The following LRP12 variants were observed in gnomAD, a reference collection of about 807,000 sequenced individuals.
The protein encoded by LRP12 is LDL receptor related protein 12.
Under a neutral mutation model 66.0 loss-of-function variants are expected in LRP12, and 14 were observed. That is an observed-to-expected ratio of 0.21 (90% CI 0.14 to 0.33). The LOEUF is 0.33. Among genes scored for constraint, LRP12 ranks in the 10% least tolerant of loss-of-function variants. The pLI is 1.00. For synonymous variants in LRP12, 357 were observed against 359.1 expected (o/e 0.99, Z 0.07); for missense variants, 889 against 1,053.4 (o/e 0.84, Z 2.16).
intron 1 of LRP12, among the ~76,000 whole-genome samples, chr8:104,580,387 G>T (rs952627938): frequency 1.3e-5 from 2 of 150,442 alleles, no homozygotes; most frequent in African/African-American, 4.9e-5. Context: ...AAAATTAGCC[G>T]GGCATGGTGG....
intron 1 of LRP12, among the ~76,000 whole-genome samples, chr8:104,577,305 C>A (rs1812179525): frequency 6.6e-6 from 1 of 152,144 alleles, no homozygotes; most frequent in African/African-American, 2.4e-5. Flanking sequence ...GGCACGTACT[C>A]TAAAATTGAT....
At chr8:104,502,862 A>G (rs1810849395) in intron 3 of LRP12, among the ~76,000 whole-genome samples, 1 of 152,092 alleles carries the variant, frequency 6.6e-6, no homozygotes, top group Non-Finnish European at 1.5e-5. Context: ...ATCCCTTAAT[A>G]AACTTTTAGT....
At chr8:104,570,445 C>T (rs2140893650) in intron 1 of LRP12, among the ~76,000 whole-genome samples, 1 of 152,196 alleles carries the variant, frequency 6.6e-6, no homozygotes, top group Middle Eastern at 3.4e-3. Context: ...AACAATGGAA[C>T]AGAATATAAT....
At chr8:104,561,121 C>T (rs1482338975) in intron 1 of LRP12, among the ~76,000 whole-genome samples, 1 of 152,180 alleles carries the variant, frequency 6.6e-6, no homozygotes, top group African/African-American at 2.4e-5. Context: ...GTAAATTATT[C>T]AGAGTGGCTG....
intron 2 of LRP12, among the ~76,000 whole-genome samples, chr8:104,520,068 AC>A (rs141198226): frequency 0.013 from 1,969 of 151,922 alleles, 48 homozygotes; most frequent in African/African-American, 0.044. Context: ...TAAAAAAAAA[AC>A]GGGTCATAGC....
chr8:104,588,745 C>G (rs893011819), intron 1 of LRP12, 74 bp downstream of exon 1: 5 of 1,342,208 alleles, frequency 3.7e-6, no homozygotes, highest in Non-Finnish European at 5.2e-6. Flanking sequence ...GGGGAACCCC[C>G]GTCCTGGAGG....
At chr8:104,567,588 A>G (rs1455117858) in intron 1 of LRP12, among the ~76,000 whole-genome samples, 3 of 152,230 alleles carry the variant, frequency 2.0e-5, no homozygotes, top group African/African-American at 4.8e-5. Context: ...ATGAAAAATC[A>G]TAAGGTATTC....
At chr8:104,572,050 A>T (rs893794023) in intron 1 of LRP12, among the ~76,000 whole-genome samples, 5 of 152,262 alleles carry the variant, frequency 3.3e-5, no homozygotes, top group African/African-American at 1.2e-4. Flanking sequence ...GTGAACTGAT[A>T]AACTGTGGTA....
chr8:104,527,991 T>C (rs1396141516), intron 2 of LRP12, among the ~76,000 whole-genome samples: 4 of 152,190 alleles, frequency 2.6e-5, no homozygotes, highest in East Asian at 1.9e-4. Flanking sequence ...GTTAAATGAA[T>C]TGAATTCATT....
At chr8:104,516,993 C>T (rs1004312441) in intron 2 of LRP12, among the ~76,000 whole-genome samples, 3 of 151,794 alleles carry the variant, frequency 2.0e-5, no homozygotes, top group South Asian at 2.1e-4. Context: ...AAATCTTTGA[C>T]TTTGATTTTA....
At chr8:104,585,031 AG>A (rs1812308174) in intron 1 of LRP12, among the ~76,000 whole-genome samples, 1 of 152,264 alleles carries the variant, frequency 6.6e-6, no homozygotes, top group African/African-American at 2.4e-5. Context: ...TACTGTGAAC[AG>A]TAAAGACTCT....
At chr8:104,588,087 C>T (rs922546586) in intron 1 of LRP12, among the ~76,000 whole-genome samples, 13 of 152,206 alleles carry the variant, frequency 8.5e-5, no homozygotes, top group Non-Finnish European at 1.9e-4. Flanking sequence ...CCCGATCCAT[C>T]GACTGGAATA....
chr8:104,497,571 C>T lies in LRP12; in HGVS notation c.981G>A (p.Lys327=), dbSNP rs1161585182. ...IYDGLEENPH[K]LLRVLTAFDS... is the part of the protein sequence containing the mutation. The stretch of plus-strand genomic sequence containing the variant: ...CAAAAGCTGTCAACACACGCAAAAG[C>T]TTGTGTGGATTCTCCTCTAATCCAT... The change falls in exon 5 of 7, where the codon AAG becomes AAA. Residue 327 remains lysine (K), a synonymous_variant. Transcript: ENST00000276654. The surrounding 1 kb of genome is among the most constrained non-coding windows in gnomAD (Gnocchi z 4.3). 6.8e-6 allele frequency: 11 copies of T among 1,613,554 alleles called. No individual in the cohort carries two copies. Among genetic ancestry groups the T allele is most frequent in the African/African-American group, 2.7e-5 (2 of 74,896 alleles).
At chr8:104,556,537 T>G (rs1009917504) in intron 1 of LRP12, among the ~76,000 whole-genome samples, 1 of 151,864 alleles carries the variant, frequency 6.6e-6, no homozygotes, top group Non-Finnish European at 1.5e-5. Context: ...TGAGAAAACC[T>G]AGAGAAGATG....
intron 3 of LRP12, among the ~76,000 whole-genome samples, chr8:104,499,813 G>T (rs1418866522): frequency 7.0e-6 from 1 of 143,208 alleles, no homozygotes; most frequent in East Asian, 1.9e-4. Context: ...CTGTGTGTAC[G>T]GTTGGGAAAG....
intron 1 of LRP12, among the ~76,000 whole-genome samples, chr8:104,537,065 T>C (rs114388807): frequency 0.031 from 4,592 of 150,034 alleles, 235 homozygotes; most frequent in African/African-American, 0.11. Context: ...CAGAAAAATA[T>C]GTAAAAAAAA....
intron 4 of LRP12, 105 bp from the exon 5 acceptor site, chr8:104,498,181 G>A (rs1810768492): frequency 8.8e-7 from 1 of 1,136,668 alleles, no homozygotes; most frequent in Non-Finnish European, 1.2e-6. Context: ...TGTTCATAAA[G>A]CCCAAGTGCT....
intron 1 of LRP12, chr8:104,566,176 CT>C (rs1812001637): frequency 1.6e-6 from 1 of 634,722 alleles, no homozygotes. Context: ...CACAAAGATT[CT>C]TGATGTTCTT....
intron 2 of LRP12, among the ~76,000 whole-genome samples, chr8:104,523,631 G>A (rs998950220): frequency 1.3e-5 from 2 of 152,028 alleles, no homozygotes; most frequent in African/African-American, 4.8e-5. Flanking sequence ...GGTGGTTCTC[G>A]TGTATTTTTC....
Sources: gnomAD v4.1 joint callset for allele counts (sites outside exome capture counted in the v4.1 genomes callset) on GRCh38, gnomAD v4.1.1 for gene constraint, Gnocchi (gnomAD v3.1) non-coding constraint, MANE v1.5 for transcripts, NCBI Gene and HGNC (gene_info 2026-07-23, HGNC 2026-07-21) for gene names.